METTL3: variants seen among roughly 807,000 people sequenced by gnomAD.
The protein encoded by METTL3 is methyltransferase 3, N6-adenosine-methyltransferase complex catalytic subunit.
In METTL3, 42 loss-of-function variants were observed where a neutral mutation model predicts 64.3. The observed-to-expected ratio is 0.65, with a 90% CI of 0.51 to 0.84. The LOEUF is 0.84. METTL3 is among the 40% of genes least tolerant of loss of function. The pLI is 0.00. For synonymous variants in METTL3, 256 were observed against 263.6 expected (o/e 0.97, Z 0.28); for missense variants, 435 against 722.3 (o/e 0.60, Z 4.56).
chr14:21,498,594 C>G, intron 10 of METTL3: 1 of 565,090 alleles, frequency 1.8e-6, no homozygotes, highest in South Asian at 2.4e-5. Flanking sequence ...GGGTTAGTAA[C>G]TAATGCTTAG....
chr14:21,501,864 C>T lies in METTL3; in HGVS notation c.763G>A (p.Ala255Thr), dbSNP rs757212904. 4 of 1,614,026 alleles carry T rather than the reference C, an allele frequency of 2.5e-6. No individual in the cohort carries two copies. Among genetic ancestry groups the T allele is most frequent in the South Asian group, 1.1e-5 (1 of 91,076 alleles). ...TTTTCAACAATGGATTGTTCCTTGGCTGTTGTAGTATTTAATAGCTCTAGG... is the reference window on the plus strand; with the variant it reads ...TTTTCAACAATGGATTGTTCCTTGGTTGTTGTAGTATTTAATAGCTCTAGG... ...EILELLNTTT[A>T]KEQSIVEKFR... The change falls in exon 4 of 11, where the codon GCC becomes ACC. Residue 255 changes from alanine to threonine, a missense_variant. Physicochemically the swap from Ala to Thr is moderately conservative, Grantham distance 58. Transcript: ENST00000298717.
At chr14:21,509,046 G>A (rs1287612488) in intron 1 of METTL3, among the ~76,000 whole-genome samples, 1 of 151,642 alleles carries the variant, frequency 6.6e-6, no homozygotes, top group Non-Finnish European at 1.5e-5. Context: ...CTTTTTAAAA[G>A]TTAATTTTGT....
At chr14:21,509,718 G>T (rs994949149) in intron 1 of METTL3, among the ~76,000 whole-genome samples, 3 of 152,082 alleles carry the variant, frequency 2.0e-5, no homozygotes, top group African/African-American at 7.2e-5. Flanking sequence ...AGCAAAAAAA[G>T]TCGTTGGCAT....
intron 6 of METTL3, 131 bp from the exon 7 acceptor site, chr14:21,499,933 A>G (rs1891516441): frequency 2.5e-6 from 2 of 794,466 alleles, no homozygotes; most frequent in South Asian, 1.6e-5. Flanking sequence ...GCACACCACC[A>G]AAAGCATGGT....
Position 21,500,653 on chromosome 14 carries a change from G to A in METTL3, c.1146C>T (p.Asp382=), listed in dbSNP as rs758697624. 10 of 1,613,864 alleles carry A rather than the reference G, an allele frequency of 6.2e-6. No individual in the cohort carries two copies. Among genetic ancestry groups the A allele is most frequent in the South Asian group, 3.3e-5 (3 of 91,078 alleles). ...CTGCAAACTTGCCCAAGATACTGAC[G>A]TCCAGGTAGCGGATATCACAACAGA... ...QWICCDIRYL[D]VSILGKFAVV... Residue 382 remains aspartate, a synonymous_variant, in exon 6 of 11, where the codon GAC becomes GAT. Coordinates refer to ENST00000298717, the MANE Select transcript of METTL3 (RefSeq NM_019852.5).
chr14:21,503,394 C>T lies in METTL3; in HGVS notation c.502G>A (p.Glu168Lys). The part of the protein sequence containing the change: ...GAVAEKKGPG[E>K]VAGTVTGQKR... ...TGCCCTGTGACAGTCCCTGCTACCTCCCCAGGGCCCTTCTTTTCTGCCACA... is the reference window on the plus strand; with the variant it reads ...TGCCCTGTGACAGTCCCTGCTACCTTCCCAGGGCCCTTCTTTTCTGCCACA... Residue 168 changes from glutamate to lysine, a missense_variant, in exon 3 of 11, where the codon GAG becomes AAG. This residue lies in a region of METTL3 where 228 missense variants were observed against 279.6 expected (regional missense o/e 0.82). Coordinates refer to ENST00000298717, the MANE Select transcript of METTL3 (RefSeq NM_019852.5). 6.2e-7 allele frequency: 1 copy of T among 1,614,152 alleles called. No homozygotes were observed. The highest frequency in any genetic ancestry group is 8.5e-7 in the Non-Finnish European group (1 of 1,180,020).
intron 1 of METTL3, among the ~76,000 whole-genome samples, chr14:21,506,415 G>A (rs760452707): frequency 2.0e-4 from 31 of 152,082 alleles, no homozygotes; most frequent in Non-Finnish European, 2.6e-4. Context: ...TTAGCCGGAC[G>A]TGGTGGCAGG....
intron 6 of METTL3, 80 bp from the exon 7 acceptor site, chr14:21,499,882 T>A: frequency 7.5e-7 from 1 of 1,331,806 alleles, no homozygotes; most frequent in Non-Finnish European, 1.1e-6. Context: ...TTAAAAACAC[T>A]ATAAACACTT....
rs1891503347 is a variant in METTL3 at position 21,499,580 on chromosome 14, A to G, written c.1364T>C (p.Ile455Thr). 5 of 1,614,142 alleles carry G rather than the reference A, an allele frequency of 3.1e-6. No homozygotes were observed. The highest frequency in any genetic ancestry group is 4.2e-6 in the Non-Finnish European group (5 of 1,179,994). ...CAGTTGATTTGTCTTCACCCAAATAATTTCATCTACCCGTTCATACCTGTG... is the reference window on the plus strand; with the variant it reads ...CAGTTGATTTGTCTTCACCCAAATAGTTTCATCTACCCGTTCATACCTGTG... ...NLWGYERVDE[I>T]IWVKTNQLQR... The change falls in exon 8 of 11, where the codon ATT becomes ACT. Residue 455 changes from isoleucine to threonine, a missense_variant. Ile to Thr is a moderately conservative substitution (Grantham distance 89). This residue lies in a region of METTL3 where 36 missense variants were observed against 73.0 expected (regional missense o/e 0.49). Transcript: ENST00000298717.
Position 21,499,747 on chromosome 14 carries a change from A to G in METTL3, c.1343+17T>C, listed in dbSNP as rs369198197. ...ACAGTATTACCCTCAAAAGAAAGCA[A>G]CACAACCACTACTTACCCCCAGAGG... is the stretch of plus-strand genomic sequence containing the variant. On this transcript the variant is annotated intron_variant, in intron 7 of 10. Coordinates refer to ENST00000298717, the MANE Select transcript of METTL3 (RefSeq NM_019852.5). 41 of 1,611,608 alleles carry G rather than the reference A, an allele frequency of 2.5e-5. No homozygotes were observed. The highest frequency in any genetic ancestry group is 4.4e-5 in the South Asian group (4 of 91,002).
chr14:21,504,333 G>A lies in METTL3; in HGVS notation c.101-452C>T, dbSNP rs115520205. 8.0e-3 allele frequency: 1,361 copies of A among 170,384 alleles called. 20 individuals carry two copies. The highest frequency in any genetic ancestry group is 0.031 in the African/African-American group (1,283 of 41,804). 10.6% of individuals were successfully genotyped at this position (170,384 alleles called of 1,614,324 possible). A position where few individuals can be genotyped will look rare whatever the true frequency, so the allele number is the denominator to read the frequency against. On this transcript the variant is annotated intron_variant, in intron 1 of 10. Transcript: ENST00000298717. ...AAGTGTACAAAATGACAATGTTGGG[G>A]GCCAACAGTGTTACCTATAACACTC... is the stretch of plus-strand genomic sequence containing the variant.
At chr14:21,507,084 G>A (rs1036949993) in intron 1 of METTL3, among the ~76,000 whole-genome samples, 2 of 152,072 alleles carry the variant, frequency 1.3e-5, no homozygotes, top group East Asian at 1.9e-4. Flanking sequence ...GGGAGGCTGA[G>A]GCAGGAGAAT....
Position 21,499,547 on chromosome 14 carries a change from A to T in METTL3, c.1397T>A (p.Ile466Asn). 1 of 1,614,192 alleles carries T rather than the reference A, an allele frequency of 6.2e-7. No individual in the cohort carries two copies. The highest frequency in any genetic ancestry group is 8.5e-7 in the Non-Finnish European group (1 of 1,180,036). The change falls in exon 8 of 11, where the codon ATC (isoleucine) becomes AAC (asparagine). Residue 466 changes from isoleucine (I) to asparagine (N), a missense_variant. By Grantham distance (149) the Ile-to-Asn change is moderately radical. Transcript: ENST00000298717. ...IWVKTNQLQR[I>N]IRTGRTGHWL... ...GTGACCTGTACGGCCTGTCCGAATG[A>T]TGCGTTGCAGTTGATTTGTCTTCAC... is the stretch of plus-strand genomic sequence containing the variant.
intron 3 of METTL3, 106 bp from the exon 4 acceptor site, chr14:21,502,009 CA>C (rs1653565488): frequency 1.4e-6 from 1 of 704,574 alleles, no homozygotes; most frequent in Non-Finnish European, 2.2e-6. Flanking sequence ...AGAGATAAAT[CA>C]ACTTTTTTTT....
intron 4 of METTL3, 186 bp downstream of exon 4, chr14:21,501,542 G>T: frequency 1.4e-6 from 1 of 709,868 alleles, no homozygotes; most frequent in Non-Finnish European, 2.3e-6. Context: ...TCAGTTATTT[G>T]GGAGTACAGC....
intron 4 of METTL3, 51 bp downstream of exon 4, chr14:21,501,677 G>C (rs1891570967): frequency 6.2e-7 from 1 of 1,611,638 alleles, no homozygotes; most frequent in Non-Finnish European, 8.5e-7. Context: ...ATGCTGAAAA[G>C]GAATGGCTGC....
At chr14:21,504,448 C>T (rs2139646565) in intron 1 of METTL3, 1 of 152,790 alleles carries the variant, frequency 6.5e-6, no homozygotes, top group East Asian at 1.9e-4. Context: ...ACTTCACAAG[C>T]TGGGTTGCCA....
At chr14:21,506,545 C>G (rs1169557178) in intron 1 of METTL3, among the ~76,000 whole-genome samples, 1 of 152,022 alleles carries the variant, frequency 6.6e-6, no homozygotes, top group Non-Finnish European at 1.5e-5. Flanking sequence ...CAGAGCGAGA[C>G]TCCGTCTCAA....
chr14:21,499,759 C>A lies in METTL3; in HGVS notation c.1343+5G>T. ...TCAAAAGAAAGCAACACAACCACTA[C>A]TTACCCCCAGAGGTTTAGACATTCT... On this transcript the variant is annotated splice_donor_5th_base_variant and intron_variant, in intron 7 of 10. Transcript: ENST00000298717. 1 of 1,612,660 alleles carries A rather than the reference C, an allele frequency of 6.2e-7. No individual in the cohort carries two copies. The highest frequency in any genetic ancestry group is 8.5e-7 in the Non-Finnish European group (1 of 1,178,698).
Sources: gnomAD v4.1 joint callset for allele counts (sites outside exome capture counted in the v4.1 genomes callset) on GRCh38, gnomAD v4.1.1 for gene constraint, gnomAD v4.1.1 regional missense constraint, MANE v1.5 for transcripts, NCBI Gene and HGNC (gene_info 2026-07-23, HGNC 2026-07-21) for gene names.